The following MBNL1 variants were observed in gnomAD, a reference collection of about 807,000 sequenced individuals.
MBNL1 encodes muscleblind like splicing regulator 1, also known as muscleblind-like protein 1.
A neutral mutation model predicts 42.2 loss-of-function variants in MBNL1; 8 were observed. That is an observed-to-expected ratio of 0.19 (90% CI 0.11 to 0.34). The LOEUF (loss-of-function observed/expected upper bound fraction) is 0.34. MBNL1 is among the 10% of genes least tolerant of loss of function. The probability of loss-of-function intolerance (pLI) is 1.00; values close to 1 mark genes in which losing one functional copy is unlikely to be tolerated. For missense variants in MBNL1, 309 were observed against 495.3 expected (o/e 0.62, Z 3.57); for synonymous variants, 169 against 173.9 (o/e 0.97, Z 0.22).
intron 2 of MBNL1, among the ~76,000 whole-genome samples, chr3:152,400,019 T>G (rs2098143157): frequency 6.6e-6 from 1 of 152,176 alleles, no homozygotes; most frequent in African/African-American, 2.4e-5. Context: ...CCTAACTTCA[T>G]AGCTTAACAT....
intron 4 of MBNL1, among the ~76,000 whole-genome samples, chr3:152,434,569 A>G (rs1156292719): frequency 1.3e-5 from 2 of 152,186 alleles, no homozygotes; most frequent in Non-Finnish European, 2.9e-5. Context: ...ATACCCAGTA[A>G]TGGGATTACT....
chr3:152,332,733 T>TG (rs1455777180), intron 2 of MBNL1, among the ~76,000 whole-genome samples: 4 of 133,466 alleles, frequency 3.0e-5, no homozygotes, highest in Non-Finnish European at 6.3e-5. Flanking sequence ...TGTGTGTGTG[T>TG]GTGTGTGCGC....
At chr3:152,347,720 C>T (rs958379887) in intron 2 of MBNL1, among the ~76,000 whole-genome samples, 5 of 152,056 alleles carry the variant, frequency 3.3e-5, no homozygotes, top group African/African-American at 7.2e-5. Flanking sequence ...CATGTTTTCT[C>T]GGAAGTATAC....
chr3:152,374,393 A>G (rs2096808703), intron 2 of MBNL1, among the ~76,000 whole-genome samples: 1 of 152,192 alleles, frequency 6.6e-6, no homozygotes, highest in Non-Finnish European at 1.5e-5. Context: ...GAAAGTATGT[A>G]TTACTACTTT....
At chr3:152,407,738 A>T (rs2031625794) in intron 2 of MBNL1, among the ~76,000 whole-genome samples, 1 of 152,208 alleles carries the variant, frequency 6.6e-6, no homozygotes, top group Non-Finnish European at 1.5e-5. Flanking sequence ...CCAAATGCCC[A>T]TCAATGATAG....
chr3:152,282,461 A>G (rs2049055728), intron 1 of MBNL1, among the ~76,000 whole-genome samples: 1 of 152,114 alleles, frequency 6.6e-6, no homozygotes, highest in South Asian at 2.1e-4. Flanking sequence ...AATATATTAA[A>G]CATGCAGATT....
chr3:152,355,198 T>G (rs1034432551), intron 2 of MBNL1, among the ~76,000 whole-genome samples: 1 of 152,234 alleles, frequency 6.6e-6, no homozygotes, highest in Non-Finnish European at 1.5e-5. Flanking sequence ...TGATTGGTGC[T>G]GGGACTCCAG....
intron 2 of MBNL1, among the ~76,000 whole-genome samples, chr3:152,369,479 G>T (rs960965250): frequency 6.6e-6 from 1 of 151,886 alleles, no homozygotes; most frequent in Non-Finnish European, 1.5e-5. Flanking sequence ...TCTTTTTTTT[G>T]TTGTGTCTCT....
rs1560004194 is a variant in MBNL1 at position 152,286,385 on chromosome 3, A to ATTATATTTTATTTATAATATAAATAT, written c.-789-12967_-789-12942dup. 1.8e-3 allele frequency among the ~76,000 whole-genome samples: 179 copies of ATTATATTTTATTTATAATATAAATAT among 98,788 alleles called. 17 individuals carry two copies. The highest frequency in any genetic ancestry group is 3.3e-3 in the Non-Finnish European group (135 of 40,338). The allele number at this position is 98,788 out of a possible 152,430, so 64.8% of individuals were successfully genotyped here. ...ATTTTATTTATAATATAAATATTTAATTATATTTTATTTATAATATAAATA... is the reference window on the plus strand; with the variant it reads ...ATTTTATTTATAATATAAATATTTAATTATATTTTATTTATAATATAAATATTTATATTTTATTTATAATATAAATA... On this transcript the variant is annotated intron_variant, in intron 1 of 9. Coordinates refer to ENST00000324210, the MANE Select transcript of MBNL1 (RefSeq NM_021038.5).
intron 2 of MBNL1, among the ~76,000 whole-genome samples, chr3:152,326,643 G>C (rs2080333420): frequency 6.6e-6 from 1 of 151,284 alleles, no homozygotes. Context: ...GTTTATATCA[G>C]AAAAAGGGAA....
intron 3 of MBNL1, among the ~76,000 whole-genome samples, chr3:152,419,449 C>T (rs995210010): frequency 1.3e-5 from 2 of 152,130 alleles, no homozygotes; most frequent in African/African-American, 4.8e-5. Context: ...GGTAGGGTGT[C>T]ACCTCACCCT....
intron 2 of MBNL1, among the ~76,000 whole-genome samples, chr3:152,319,419 C>A (rs1461092752): frequency 6.6e-6 from 1 of 151,986 alleles, no homozygotes; most frequent in African/African-American, 2.4e-5. Context: ...CCATAAAGAT[C>A]TTGAGGTCAT....
At chr3:152,411,497 G>T in intron 2 of MBNL1, among the ~76,000 whole-genome samples, 1 of 152,178 alleles carries the variant, frequency 6.6e-6, no homozygotes, top group East Asian at 1.9e-4. Flanking sequence ...TCCAGCCTGA[G>T]CGACAGAGCA....
intron 4 of MBNL1, among the ~76,000 whole-genome samples, chr3:152,435,950 CTA>C (rs1204100289): frequency 6.6e-6 from 1 of 152,104 alleles, no homozygotes; most frequent in Non-Finnish European, 1.5e-5. Context: ...TGGGCCGAGA[CTA>C]TGGGGTTTTC....
At chr3:152,286,459 A>AGT in intron 1 of MBNL1, among the ~76,000 whole-genome samples, 1 of 68,360 alleles carries the variant, frequency 1.5e-5, no homozygotes, top group African/African-American at 6.2e-5. Flanking sequence ...TTATAATATA[A>AGT]ATATATTTTA....
At chr3:152,293,173 T>C (rs2056931158) in intron 1 of MBNL1, among the ~76,000 whole-genome samples, 1 of 152,224 alleles carries the variant, frequency 6.6e-6, no homozygotes, top group African/African-American at 2.4e-5. Context: ...GTTAAAATTA[T>C]GTTGTTTGTG....
intron 1 of MBNL1, 181 bp downstream of exon 1, chr3:152,269,273 C>G: frequency 2.8e-6 from 1 of 353,654 alleles, no homozygotes; most frequent in South Asian, 2.1e-5. Flanking sequence ...CGGGGGAAGG[C>G]GGGAGGGTGA....
intron 2 of MBNL1, among the ~76,000 whole-genome samples, chr3:152,400,684 A>T (rs2098177003): frequency 6.6e-6 from 1 of 152,206 alleles, no homozygotes. Flanking sequence ...CCTGTCCAGG[A>T]TTATATGCCC....
At chr3:152,337,706 C>T (rs1350861137) in intron 2 of MBNL1, among the ~76,000 whole-genome samples, 3 of 149,242 alleles carry the variant, frequency 2.0e-5, no homozygotes, top group Non-Finnish European at 4.5e-5. Flanking sequence ...TATCCTTTTT[C>T]TTTTTCCATC....
Sources: allele counts gnomAD v4.1 joint callset (sites outside exome capture counted in the v4.1 genomes callset), GRCh38; gene constraint gnomAD v4.1.1; transcripts MANE v1.5; gene names NCBI Gene and HGNC (gene_info 2026-07-23, HGNC 2026-07-21).